RLF: variants seen among roughly 807,000 people sequenced by gnomAD.
The protein encoded by RLF is zinc finger protein Rlf.
A neutral mutation model predicts 162.9 loss-of-function variants in RLF; 7 were observed. The ratio of observed to expected loss-of-function variants is 0.04; its 90% confidence interval spans 0.02 to 0.08. The LOEUF (loss-of-function observed/expected upper bound fraction) is 0.08. Among genes scored for constraint, RLF ranks in the 10% least tolerant of loss-of-function variants. RLF has a pLI of 1.00. For missense variants in RLF, 1,664 were observed against 2,244.7 expected, an observed-to-expected ratio of 0.74 and a Z score of 5.23; for synonymous variants, 782 against 791.5, an observed-to-expected ratio of 0.99 and a Z score of 0.20.
At chr1:40,192,431 A>AT (rs1642571403) in intron 3 of RLF, among the ~76,000 whole-genome samples, 1 of 152,182 alleles carries the variant, frequency 6.6e-6, no homozygotes, top group Non-Finnish European at 1.5e-5. Flanking sequence ...TCCAGTGAGC[A>AT]TTTCTTTTGA....
chr1:40,186,737 A>G (rs1642486904), intron 1 of RLF, among the ~76,000 whole-genome samples: 1 of 152,148 alleles, frequency 6.6e-6, no homozygotes, highest in South Asian at 2.1e-4. Context: ...CTAGCACTTT[A>G]TGTGTGATAA....
intron 3 of RLF, among the ~76,000 whole-genome samples, chr1:40,191,073 AAAG>A (rs1642550812): frequency 6.6e-6 from 1 of 152,230 alleles, no homozygotes; most frequent in African/African-American, 2.4e-5. Context: ...AATCAACAAA[AAAG>A]TTTCATTATT....
chr1:40,175,833 A>G (rs1411579454), intron 1 of RLF, among the ~76,000 whole-genome samples: 1 of 151,414 alleles, frequency 6.6e-6, no homozygotes, highest in East Asian at 1.9e-4. Context: ...GCATATCTTA[A>G]TATCCATGAA....
At chr1:40,223,934 T>C (rs1643029334) in intron 6 of RLF, among the ~76,000 whole-genome samples, 2 of 152,260 alleles carry the variant, frequency 1.3e-5, no homozygotes, top group African/African-American at 2.4e-5. Context: ...CCAAATCCAC[T>C]ATGCCAGAGT....
At chr1:40,170,270 T>A (rs1046154331) in intron 1 of RLF, among the ~76,000 whole-genome samples, 1 of 152,134 alleles carries the variant, frequency 6.6e-6, no homozygotes, top group Non-Finnish European at 1.5e-5. Flanking sequence ...TGGTTTTTTT[T>A]TGAGACAGGG....
intron 1 of RLF, among the ~76,000 whole-genome samples, chr1:40,172,905 T>A (rs1642264918): frequency 6.6e-6 from 1 of 152,198 alleles, no homozygotes; most frequent in Non-Finnish European, 1.5e-5. Flanking sequence ...TTTTGATGGA[T>A]ACTTGCCTAC....
Position 40,236,300 on chromosome 1 carries a change from A to G in RLF, c.1598A>G (p.Lys533Arg). 1 of 1,614,046 alleles carries G rather than the reference A, an allele frequency of 6.2e-7. No homozygotes were observed. The highest frequency in any genetic ancestry group is 8.5e-7 in the Non-Finnish European group (1 of 1,179,998). Reference protein sequence around the residue: ...YRRRDLTDQHKEKRDKKPIGS... With the variant: ...YRRRDLTDQHREKRDKKPIGS... ...AGAAGAGATTTGACAGATCAGCATA[A>G]GGAGAAAAGAGACAAAAAACCTATT... Residue 533 changes from lysine (K) to arginine (R), a missense_variant, in exon 8 of 8, where the codon AAG becomes AGG. Lys to Arg is a conservative substitution (Grantham distance 26). Transcript: ENST00000372771. The surrounding 1 kb of genome is among the most constrained non-coding windows in gnomAD (Gnocchi z 7.7).
chr1:40,240,545 T>A lies in RLF; in HGVS notation c.*98T>A, dbSNP rs758432383. On this transcript the variant is annotated 3_prime_UTR_variant, in exon 8 of 8. Coordinates refer to ENST00000372771, the MANE Select transcript of RLF (RefSeq NM_012421.4). ...GCTGAGAAGCAGCCACACCGTTGTT[T>A]AGGGTAGAATAGGCTGTGTATTTAC... is the stretch of plus-strand genomic sequence containing the variant. 3.4e-5 allele frequency: 27 copies of A among 788,002 alleles called. No individual in the cohort carries two copies. The highest frequency in any genetic ancestry group is 5.7e-5 in the Non-Finnish European group (27 of 476,626). 48.8% of individuals were successfully genotyped at this position (788,002 alleles called of 1,614,324 possible).
chr1:40,180,373 C>T (rs1243972586), intron 1 of RLF, among the ~76,000 whole-genome samples: 1 of 152,168 alleles, frequency 6.6e-6, no homozygotes, highest in East Asian at 1.9e-4. Context: ...ATTCTCCTGC[C>T]TCAGCCTCCT....
chr1:40,217,750 C>T (rs1642943842), intron 5 of RLF, among the ~76,000 whole-genome samples: 2 of 152,020 alleles, frequency 1.3e-5, no homozygotes, highest in Admixed American at 6.6e-5. Context: ...CCAGCCTGGG[C>T]AACAGAGCAA....
intron 4 of RLF, among the ~76,000 whole-genome samples, chr1:40,197,874 C>T (rs1557747364): frequency 6.6e-6 from 1 of 152,170 alleles, no homozygotes; most frequent in Non-Finnish European, 1.5e-5. Flanking sequence ...AGATATTTAA[C>T]ATATTTGATA....
intron 5 of RLF, among the ~76,000 whole-genome samples, chr1:40,212,579 T>C (rs1300253792): frequency 3.9e-5 from 6 of 152,190 alleles, no homozygotes; most frequent in African/African-American, 1.4e-4. Flanking sequence ...CATCAAGCAC[T>C]TCTATTTTAA....
At position 40,239,472 on chromosome 1, in the gene RLF, T is replaced by C. The variant is rs779378667; in HGVS notation, c.4770T>C (p.Val1590=). ...AGCAACAGATGGAGAATCTTGTTGT[T>C]TGCGTTAAGTACGGTACCAAAATTA... ...YLEQQMENLV[V]CVKYGTKIKE... The change falls in exon 8 of 8, where the codon GTT becomes GTC. Residue 1590 remains valine (V), a synonymous_variant. Transcript: ENST00000372771. The C allele has an allele frequency of 2.0e-5, 33 of 1,613,818 alleles. No individual in the cohort carries two copies. In the Middle Eastern group the frequency reaches 4.9e-4, roughly 24 times the overall value.
At chr1:40,212,390 T>C (rs1019794155) in intron 5 of RLF, among the ~76,000 whole-genome samples, 1 of 152,206 alleles carries the variant, frequency 6.6e-6, no homozygotes, top group African/African-American at 2.4e-5. Flanking sequence ...ACTTTATTTA[T>C]GTAGAATTGA....
At chr1:40,165,056 AGTACTTAAGTTTT>A (rs1557734778) in intron 1 of RLF, among the ~76,000 whole-genome samples, 2 of 152,248 alleles carry the variant, frequency 1.3e-5, no homozygotes. Context: ...AATGGATAAT[AGTACTTAAGTTTT>A]GTAAGCAAAT....
chr1:40,230,733 G>A (rs565685090), intron 6 of RLF, among the ~76,000 whole-genome samples: 45 of 152,056 alleles, frequency 3.0e-4, no homozygotes, highest in African/African-American at 1.0e-3. Flanking sequence ...CGCCATGCCC[G>A]GCCTCTTTTT....
intron 6 of RLF, among the ~76,000 whole-genome samples, chr1:40,230,165 CCT>C (rs1031301712): frequency 6.6e-6 from 1 of 151,354 alleles, no homozygotes; most frequent in Non-Finnish European, 1.5e-5. Context: ...GCCCCAGTTC[CCT>C]CTTTAGAAAT....
rs1447709975 is a variant in RLF at position 40,161,471 on chromosome 1, C to A, written c.72C>A (p.Ala24=). The A allele has an allele frequency of 3.8e-6, 6 of 1,577,994 alleles. No homozygotes were observed. The highest frequency in any genetic ancestry group is 1.4e-5 in the African/African-American group (1 of 72,190). The change falls in exon 1 of 8, where the codon GCC becomes GCA. Residue 24 remains alanine (A), a synonymous_variant. Transcript: ENST00000372771. The surrounding 1 kb of genome is among the most constrained non-coding windows in gnomAD (Gnocchi z 4.4). ...CTGAGGCTCCGGCGGTAGCGGGAGC[C>A]GGAGATGGAGTCGAGACTGAGTCCA... The part of the protein sequence containing the change: ...AGAEAPAVAG[A]GDGVETESMV...
At chr1:40,209,616 G>T (rs1032821264) in intron 5 of RLF, among the ~76,000 whole-genome samples, 1 of 152,178 alleles carries the variant, frequency 6.6e-6, no homozygotes, top group Non-Finnish European at 1.5e-5. Context: ...AGTGGCTCAT[G>T]CCTGTAATCC....
Sources: gnomAD v4.1 joint callset for allele counts (sites outside exome capture counted in the v4.1 genomes callset) on GRCh38, gnomAD v4.1.1 for gene constraint, Gnocchi (gnomAD v3.1) non-coding constraint, MANE v1.5 for transcripts, NCBI Gene and HGNC (gene_info 2026-07-23, HGNC 2026-07-21) for gene names.